Variants in DPP6 observed in about 807,000 individuals in gnomAD.
DPP6 encodes dipeptidyl peptidase like 6, also known as A-type potassium channel modulatory protein DPP6.
In DPP6, 69 loss-of-function variants were observed where a neutral mutation model predicts 122.6. The ratio of observed to expected loss-of-function variants is 0.56; its 90% CI spans 0.46 to 0.69. DPP6 has a LOEUF of 0.69. DPP6 is among the 30% of genes least tolerant of loss of function. The probability of loss-of-function intolerance (pLI) is 0.00; values close to 1 mark genes in which losing one functional copy is unlikely to be tolerated. For missense variants in DPP6, 928 were observed against 1,116.9 expected, an observed-to-expected ratio of 0.83 and a Z score of 2.41; for synonymous variants, 418 against 433.1, an observed-to-expected ratio of 0.97 and a Z score of 0.43.
intron 1 of DPP6, among the ~76,000 whole-genome samples, chr7:154,312,960 C>T (rs529115933): frequency 1.3e-5 from 2 of 152,298 alleles, no homozygotes; most frequent in East Asian, 1.9e-4. Flanking sequence ...TCTTTATTCT[C>T]TAGCAGTGAT....
At chr7:154,695,995 G>T (rs974201033) in intron 7 of DPP6, among the ~76,000 whole-genome samples, 9 of 152,200 alleles carry the variant, frequency 5.9e-5, no homozygotes, top group African/African-American at 2.2e-4. Context: ...CCCAAAAGAG[G>T]CCTCTCAGAG....
chr7:154,568,469 G>GT (rs1348228615), intron 5 of DPP6, among the ~76,000 whole-genome samples: 2 of 152,232 alleles, frequency 1.3e-5, no homozygotes, highest in African/African-American at 4.8e-5. Flanking sequence ...TCAAAACAAA[G>GT]TGAGGTATTG....
At chr7:154,502,843 T>C (rs1207299297) in intron 3 of DPP6, among the ~76,000 whole-genome samples, 1 of 152,156 alleles carries the variant, frequency 6.6e-6, no homozygotes, top group Non-Finnish European at 1.5e-5. Context: ...GACTGCTCTG[T>C]TGACAGGATG....
chr7:154,727,683 T>C, intron 7 of DPP6, 84 bp from the exon 8 acceptor site: 1 of 1,470,250 alleles, frequency 6.8e-7, no homozygotes, highest in South Asian at 1.4e-5. Flanking sequence ...GAAAACCCGG[T>C]TGATGATTTC....
intron 1 of DPP6, among the ~76,000 whole-genome samples, chr7:154,191,373 T>G (rs1272994148): frequency 6.6e-6 from 1 of 152,262 alleles, no homozygotes; most frequent in Non-Finnish European, 1.5e-5. Flanking sequence ...TTAATCACCC[T>G]GTCTCTGTTG....
intron 1 of DPP6, among the ~76,000 whole-genome samples, chr7:154,223,165 T>C (rs895668510): frequency 6.7e-6 from 1 of 148,478 alleles, no homozygotes; most frequent in African/African-American, 2.6e-5. Context: ...GGTGAATCAC[T>C]GGACATAAAG....
At chr7:154,610,782 T>G (rs1833868463) in intron 5 of DPP6, among the ~76,000 whole-genome samples, 1 of 151,646 alleles carries the variant, frequency 6.6e-6, no homozygotes, top group African/African-American at 2.4e-5. Context: ...ATCTGGAAAA[T>G]TCTCTTATTC....
At chr7:153,925,863 C>T (rs1351199943) in intron 1 of DPP6, among the ~76,000 whole-genome samples, 1 of 152,184 alleles carries the variant, frequency 6.6e-6, no homozygotes, top group Non-Finnish European at 1.5e-5. Flanking sequence ...TTGATTTTTA[C>T]TTTGGCTCCA....
Position 154,446,263 on chromosome 7 carries a change from T to A in DPP6, c.293T>A (p.Ile98Asn). The change falls in exon 2 of 26, where the codon ATT becomes AAT. Residue 98 changes from isoleucine (I) to asparagine (N), a missense_variant. Ile to Asn is a moderately radical substitution (Grantham distance 149). Transcript: ENST00000377770. ...PPQRNWKGIA[I>N]ALLVILVICS... The stretch of plus-strand genomic sequence containing the variant: ...CAGAGGAATTGGAAAGGAATAGCAA[T>A]TGCACTGCTTGTCATTCTGGTCATC... 6.2e-7 allele frequency: 1 copy of A among 1,611,800 alleles called. No individual in the cohort carries two copies. The highest frequency in any genetic ancestry group is 1.1e-5 in the South Asian group (1 of 90,704).
Position 154,624,002 on chromosome 7 carries a change from T to G in DPP6, c.628-13819T>G, listed in dbSNP as rs1234850731. 6.6e-6 allele frequency among the ~76,000 whole-genome samples: 1 copy of G among 152,194 alleles called. No individual in the cohort carries two copies. Among genetic ancestry groups the G allele is most frequent in the African/African-American group, 2.4e-5 (1 of 41,446 alleles). ...TGAGGTGAGGAATTCGAGACCAGCC[T>G]GGCCGACATGGTGAAACCCCATCTC... On this transcript the variant is annotated intron_variant, in intron 5 of 25. Transcript: ENST00000377770. The surrounding 1 kb of genome is among the most constrained non-coding windows in gnomAD (Gnocchi z 4.7).
chr7:154,272,063 G>T (rs1028659311), intron 1 of DPP6, among the ~76,000 whole-genome samples: 1 of 152,142 alleles, frequency 6.6e-6, no homozygotes, highest in African/African-American at 2.4e-5. Context: ...AATAATCAAT[G>T]TATCTACCTC....
the DPP6 span, among the ~76,000 whole-genome samples, chr7:153,859,424 C>T: frequency 5.9e-5 from 9 of 152,308 alleles, no homozygotes; most frequent in Admixed American, 4.6e-4. Flanking sequence ...TGAAGAACCA[C>T]GTGTTCCATG....
At chr7:153,803,523 C>T in the DPP6 span, among the ~76,000 whole-genome samples, 35,595 of 151,798 alleles carry the variant, frequency 0.23, 4,734 homozygotes, top group Middle Eastern at 0.34. Flanking sequence ...GGATTCACGC[C>T]ACTGTCTCCT....
intron 1 of DPP6, among the ~76,000 whole-genome samples, chr7:154,417,374 A>G (rs555730455): frequency 6.6e-6 from 1 of 152,322 alleles, no homozygotes; most frequent in East Asian, 1.9e-4. Context: ...CGTACCAAGC[A>G]CTGGAGGTAT....
At chr7:154,164,502 A>C (rs1233816434) in intron 1 of DPP6, among the ~76,000 whole-genome samples, 1 of 152,122 alleles carries the variant, frequency 6.6e-6, no homozygotes, top group African/African-American at 2.4e-5. Flanking sequence ...CTACCCTTTT[A>C]AAGGGTATGA....
chr7:153,855,537 T>TA, the DPP6 span, among the ~76,000 whole-genome samples: 1 of 152,238 alleles, frequency 6.6e-6, no homozygotes, highest in Non-Finnish European at 1.5e-5. Flanking sequence ...GCATTAATTT[T>TA]GGAAATTCTC....
At chr7:154,368,150 T>G (rs1011257897) in intron 1 of DPP6, among the ~76,000 whole-genome samples, 1 of 152,172 alleles carries the variant, frequency 6.6e-6, no homozygotes, top group Admixed American at 6.5e-5. Flanking sequence ...CTGAAAGCTA[T>G]TGGATAATGG....
chr7:153,997,784 G>C (rs2129044678), intron 1 of DPP6, among the ~76,000 whole-genome samples: 1 of 149,746 alleles, frequency 6.7e-6, no homozygotes, highest in East Asian at 1.9e-4. Flanking sequence ...CGGGTGCTGG[G>C]GTTATAGCAG....
intron 1 of DPP6, among the ~76,000 whole-genome samples, chr7:154,344,504 T>A (rs1484856026): frequency 6.6e-6 from 1 of 152,162 alleles, no homozygotes; most frequent in African/African-American, 2.4e-5. Context: ...GAGAGTAGTA[T>A]GGAGGTTCCT....
Sources: gnomAD v4.1 joint callset for allele counts (sites outside exome capture counted in the v4.1 genomes callset) on GRCh38, gnomAD v4.1.1 for gene constraint, Gnocchi (gnomAD v3.1) non-coding constraint, MANE v1.5 for transcripts, NCBI Gene and HGNC (gene_info 2026-07-23, HGNC 2026-07-21) for gene names.